Variants in AR observed in about 807,000 individuals in gnomAD.
AR encodes dihydrotestosterone receptor.
A neutral mutation model predicts 53.9 loss-of-function variants in AR; 8 were observed. The ratio of observed to expected loss-of-function variants is 0.15; its 90% CI spans 0.09 to 0.27. The LOEUF is 0.27. AR is among the 10% of genes least tolerant of loss of function. AR has a pLI of 1.00. For synonymous variants in AR, 359 were observed against 316.4 expected (o/e 1.13, Z -1.43); for missense variants, 639 against 742.5 (o/e 0.86, Z 1.62).
chrX:67,651,204 C>CTT (rs60224900), intron 2 of AR, among the ~76,000 whole-genome samples: 1,024 of 93,450 alleles, frequency 0.011, 8 homozygotes, highest in Middle Eastern at 0.067. Context: ...CCACACCCAG[C>CTT]TTTTTTTTTT....
intron 1 of AR, among the ~76,000 whole-genome samples, chrX:67,590,282 A>G (rs937215777): frequency 9.0e-6 from 1 of 111,445 alleles, no homozygotes; most frequent in African/African-American, 3.3e-5. Flanking sequence ...CTCAGAGTGA[A>G]AGCCTTGAAT....
rs779236278 is a variant in AR, at chrX:67,574,646, C to T, written c.1616+27884C>T. Reference sequence around the variant, plus strand: ...TGGAAGTAGTGTTGAGATAAAGAAACGTTGAATTGAAGGTTGTGTTTTCTA... The same window carrying T: ...TGGAAGTAGTGTTGAGATAAAGAAATGTTGAATTGAAGGTTGTGTTTTCTA... On this transcript the variant is annotated intron_variant, in intron 1 of 7. Coordinates refer to ENST00000374690, the MANE Select transcript of AR (RefSeq NM_000044.6). Among the ~76,000 whole-genome samples the T allele has an allele frequency of 1.1e-3, 119 of 111,426 alleles. 1 individual carries two copies. Among genetic ancestry groups the T allele is most frequent in the African/African-American group, 3.8e-3 (116 of 30,774 alleles).
rs1233697813 is a variant in AR, at chrX:67,720,374, C to T, written c.2319-1459C>T. ...TTTCCTCCATTCCCCACTTTTTCTG[C>T]CCCTGAGGCCTGCAGCAATGTTAAA... is the stretch of plus-strand genomic sequence containing the variant. On this transcript the variant is annotated intron_variant, in intron 5 of 7. Coordinates refer to ENST00000374690, the MANE Select transcript of AR (RefSeq NM_000044.6). Among the ~76,000 whole-genome samples the T allele has an allele frequency of 2.7e-5, 3 of 109,579 alleles. No individual in the cohort carries two copies. The East Asian group carries it at 8.6e-4, about 32-fold the overall frequency.
chrX:67,581,291 G>A (rs189709278), intron 1 of AR, among the ~76,000 whole-genome samples: 20 of 111,213 alleles, frequency 1.8e-4, no homozygotes, highest in African/African-American at 5.5e-4. Flanking sequence ...AAGTTTTTAC[G>A]TACCTCTTAT....
At chrX:67,611,955 G>A (rs988443917) in intron 1 of AR, among the ~76,000 whole-genome samples, 1 of 110,921 alleles carries the variant, frequency 9.0e-6, no homozygotes, top group African/African-American at 3.3e-5. Context: ...GCAACTCAGA[G>A]AATTTTTTTT....
At chrX:67,658,531 C>T (rs919583692) in intron 2 of AR, among the ~76,000 whole-genome samples, 2 of 111,845 alleles carry the variant, frequency 1.8e-5, no homozygotes, top group South Asian at 3.7e-4. Flanking sequence ...GTGATCATAG[C>T]GTACTACACC....
rs773996740 is a variant in AR, at chrX:67,546,321, C to G, written c.1175C>G (p.Pro392Arg). 7.5e-6 allele frequency: 9 copies of G among 1,195,565 alleles called. No homozygotes were observed. Among genetic ancestry groups the G allele is most frequent in the East Asian group, 6.1e-5 (2 of 32,948 alleles). The change falls in exon 1 of 8, where the codon CCG becomes CGG. Residue 392 changes from proline (P) to arginine (R), a missense_variant. Around this residue, in one of 5 missense-constraint regions of AR, gnomAD observed 423 missense variants for 377.0 expected, o/e 1.12. Coordinates refer to ENST00000374690, the MANE Select transcript of AR (RefSeq NM_000044.6). ...CACGCTCGCATCAAGCTGGAGAACCCGCTGGACTACGGCAGCGCCTGGGCG... is the reference window on the plus strand; with the variant it reads ...CACGCTCGCATCAAGCTGGAGAACCGGCTGGACTACGGCAGCGCCTGGGCG... ...HPHARIKLEN[P>R]LDYGSAWAAA...
intron 1 of AR, among the ~76,000 whole-genome samples, chrX:67,635,911 G>A (rs1925408565): frequency 1.8e-5 from 2 of 111,305 alleles, no homozygotes; most frequent in Admixed American, 1.9e-4. Context: ...AACCTCTCCT[G>A]TGTTTGCAAT....
intron 1 of AR, among the ~76,000 whole-genome samples, chrX:67,560,540 A>AGTTGT (rs756123651): frequency 9.3e-4 from 104 of 111,648 alleles, no homozygotes; most frequent in Non-Finnish European, 1.7e-3. Context: ...CTTGCTGTAT[A>AGTTGT]GTTGTGTAAT....
chrX:67,594,774 C>G (rs1923003365), intron 1 of AR, among the ~76,000 whole-genome samples: 1 of 111,271 alleles, frequency 9.0e-6, no homozygotes, highest in Admixed American at 9.6e-5. Context: ...ATGGTGAAAC[C>G]CTGTCTCTAC....
intron 2 of AR, chrX:67,680,672 C>T: frequency 3.0e-6 from 1 of 329,569 alleles, no homozygotes; most frequent in Non-Finnish European, 5.9e-6. Context: ...AATGTGATGC[C>T]ACTAATAGTG....
chrX:67,629,639 T>C (rs1393252434), intron 1 of AR, among the ~76,000 whole-genome samples: 4 of 110,332 alleles, frequency 3.6e-5, no homozygotes, highest in Admixed American at 1.9e-4. Context: ...CTATTTCCTT[T>C]AGTTCTGCTC....
Position 67,725,980 on chromosome X carries a change from T to C in AR, c.*2139T>C. On this transcript the variant is annotated 3_prime_UTR_variant, in exon 8 of 8. Coordinates refer to ENST00000374690, the MANE Select transcript of AR (RefSeq NM_000044.6). ...CTTACTTAGCTCTTAATCTCATCTG[T>C]TGAACTCAAGAAATCAAGGGCCAGT... The C allele has an allele frequency of 5.7e-6, 1 of 176,138 alleles. No homozygotes were observed. Among genetic ancestry groups the C allele is most frequent in the Non-Finnish European group, 1.1e-5 (1 of 91,858 alleles). The allele number at this position is 176,138 out of a possible 1,213,427, so 14.5% of individuals were successfully genotyped here.
chrX:67,625,439 A>G (rs59021614), intron 1 of AR, among the ~76,000 whole-genome samples: 6,351 of 110,753 alleles, frequency 0.057, 472 homozygotes, highest in African/African-American at 0.2. Context: ...GGAACCTAGG[A>G]TAACCAAAAT....
intron 1 of AR, among the ~76,000 whole-genome samples, chrX:67,608,501 C>T (rs1923732385): frequency 9.0e-6 from 1 of 111,638 alleles, no homozygotes; most frequent in South Asian, 3.7e-4. Context: ...TTCCTCATCT[C>T]TTTGCTCCTG....
At chrX:67,635,982 A>G (rs962649504) in intron 1 of AR, among the ~76,000 whole-genome samples, 8 of 111,484 alleles carry the variant, frequency 7.2e-5, no homozygotes, top group African/African-American at 2.6e-4. Flanking sequence ...TTTTTCTTTC[A>G]TTATGTGCTG....
chrX:67,660,690 G>A (rs1350734039), intron 2 of AR, among the ~76,000 whole-genome samples: 5 of 111,381 alleles, frequency 4.5e-5, no homozygotes, highest in Admixed American at 9.6e-5. Context: ...TTGACTTGGC[G>A]ATTCAGGCTC....
In AR at chrX:67,729,703, C is replaced by T. The variant is rs190796099; in HGVS notation, c.*5862C>T. ...GCTACTTAACAAGATTGTCATGGAGCTGCAGATTCCATTGCCCACCAAAGA... is the reference window on the plus strand; with the variant it reads ...GCTACTTAACAAGATTGTCATGGAGTTGCAGATTCCATTGCCCACCAAAGA... On this transcript the variant is annotated 3_prime_UTR_variant, in exon 8 of 8. Transcript: ENST00000374690. 96 of 172,546 alleles carry T rather than the reference C, an allele frequency of 5.6e-4. 1 individual carries two copies. The highest frequency in any genetic ancestry group is 9.5e-4 in the Non-Finnish European group (86 of 90,761). 14.2% of individuals were successfully genotyped at this position (172,546 alleles called of 1,213,427 possible).
chrX:67,558,564 T>C (rs759397731), intron 1 of AR, among the ~76,000 whole-genome samples: 8 of 111,568 alleles, frequency 7.2e-5, no homozygotes, highest in African/African-American at 2.6e-4. Context: ...AGTCCACTGA[T>C]CCTCACCAAA....
Sources: allele counts gnomAD v4.1 joint callset (sites outside exome capture counted in the v4.1 genomes callset), GRCh38; gene constraint gnomAD v4.1.1; regional missense constraint gnomAD v4.1.1; transcripts MANE v1.5; gene names NCBI Gene and HGNC (gene_info 2026-07-23, HGNC 2026-07-21).